PPEF1: variants seen among roughly 807,000 people sequenced by gnomAD.
The protein encoded by PPEF1 is serine/threonine-protein phosphatase with EF-hands 1.
Under a neutral mutation model 53.3 loss-of-function variants are expected in PPEF1, and 12 were observed. That is an observed-to-expected ratio of 0.23 (90% CI 0.14 to 0.36). PPEF1 has a LOEUF of 0.36. Ranked by LOEUF, PPEF1 falls within the 10% of genes least tolerant of loss-of-function variation. The pLI, the probability that PPEF1 is intolerant of heterozygous loss-of-function variation, is 1.00. For missense variants in PPEF1, 334 were observed against 490.4 expected, an observed-to-expected ratio of 0.68 and a Z score of 3.01; for synonymous variants, 165 against 176.7, an observed-to-expected ratio of 0.93 and a Z score of 0.52.
intron 6 of PPEF1, among the ~76,000 whole-genome samples, chrX:18,769,633 C>T (rs923280401): frequency 2.7e-5 from 3 of 111,327 alleles, no homozygotes; most frequent in Admixed American, 1.9e-4. Context: ...TTCTCTCTTC[C>T]CCACCATCCT....
intron 7 of PPEF1, 118 bp from the exon 8 acceptor site, chrX:18,782,248 C>T (rs1261499209): frequency 1.7e-6 from 1 of 588,864 alleles, no homozygotes; most frequent in Admixed American, 3.6e-5. Context: ...TCCAACTGAA[C>T]TCTGGTTTCT....
intron 1 of PPEF1, among the ~76,000 whole-genome samples, chrX:18,722,067 A>G: frequency 8.9e-6 from 1 of 112,180 alleles, no homozygotes; most frequent in East Asian, 2.8e-4. Context: ...TTCACTGGGC[A>G]TGTGCTTTGA....
intron 14 of PPEF1, among the ~76,000 whole-genome samples, chrX:18,825,234 C>T (rs34419456): frequency 0.04 from 4,436 of 110,787 alleles, 222 homozygotes; most frequent in African/African-American, 0.14. Context: ...GAAGATGAGA[C>T]GTTAAGAGCA....
chrX:18,825,158 A>C (rs2047143052), intron 14 of PPEF1, among the ~76,000 whole-genome samples: 1 of 112,235 alleles, frequency 8.9e-6, no homozygotes, highest in Non-Finnish European at 1.9e-5. Context: ...ATTCATCAGC[A>C]GTTAAATATG....
chrX:18,697,113 C>G (rs1329913599), intron 4 of PPEF1, among the ~76,000 whole-genome samples: 2 of 112,259 alleles, frequency 1.8e-5, no homozygotes, highest in African/African-American at 3.2e-5. Flanking sequence ...CTCCATTCCC[C>G]TCTGTCTTTC....
intron 1 of PPEF1, among the ~76,000 whole-genome samples, chrX:18,717,483 C>T: frequency 9.1e-6 from 1 of 110,347 alleles, no homozygotes. Context: ...CTCTCTCCTC[C>T]CCTTCAAGCT....
intron 13 of PPEF1, among the ~76,000 whole-genome samples, chrX:18,819,494 C>T (rs984721080): frequency 2.7e-5 from 3 of 110,130 alleles, no homozygotes; most frequent in Non-Finnish European, 5.7e-5. Context: ...ACCAGCCTGG[C>T]CAACATGGTG....
chrX:18,675,897 C>T (rs2147212523), upstream of PPEF1: 1 of 102,190 alleles, frequency 9.8e-6, no homozygotes, highest in African/African-American at 3.6e-5. Context: ...GGATCTTCGT[C>T]ACCACCCTAG....
chrX:18,714,175 A>T (rs1406379689), intron 1 of PPEF1, among the ~76,000 whole-genome samples: 6 of 111,128 alleles, frequency 5.4e-5, no homozygotes, highest in Non-Finnish European at 1.1e-4. Flanking sequence ...GTTTTATCTA[A>T]TCCTTGTAAT....
intron 12 of PPEF1, among the ~76,000 whole-genome samples, chrX:18,808,247 G>A (rs974368913): frequency 9.1e-5 from 10 of 110,030 alleles, no homozygotes; most frequent in Non-Finnish European, 1.3e-4. Context: ...TTACAGTAGT[G>A]AGCCACCACG....
intron 3 of PPEF1, among the ~76,000 whole-genome samples, chrX:18,689,638 G>T (rs766774995): frequency 9.1e-6 from 1 of 110,143 alleles, no homozygotes; most frequent in South Asian, 4.0e-4. Flanking sequence ...ATCAGATTGG[G>T]ATTCAGCAGT....
chrX:18,827,603 T>C lies in PPEF1; in HGVS notation c.*116T>C. ...AGTAGCAGAGAAAAGCAGATCCCAA[T>C]TCATCCCACAAACAGATGCATAGTA... On this transcript the variant is annotated 3_prime_UTR_variant, in exon 16 of 16. Transcript: ENST00000470157. 3.4e-6 allele frequency: 2 copies of C among 585,964 alleles called. No homozygotes were observed. Among genetic ancestry groups the C allele is most frequent in the Admixed American group, 3.4e-5 (1 of 29,324 alleles). 48.3% of individuals were successfully genotyped at this position (585,964 alleles called of 1,213,427 possible). A position where few individuals can be genotyped will look rare whatever the true frequency, so the allele number is the denominator to read the frequency against.
At chrX:18,766,453 C>T (rs773525097) in intron 6 of PPEF1, among the ~76,000 whole-genome samples, 16 of 111,855 alleles carry the variant, frequency 1.4e-4, no homozygotes, top group African/African-American at 5.2e-4. Context: ...AGTGATACCC[C>T]ACCTATCCCA....
chrX:18,762,437 G>T (rs1390360567), intron 6 of PPEF1, among the ~76,000 whole-genome samples: 1 of 111,794 alleles, frequency 8.9e-6, no homozygotes, highest in East Asian at 2.8e-4. Flanking sequence ...TACCAGAAAG[G>T]GGTCCCGATC....
intron 12 of PPEF1, among the ~76,000 whole-genome samples, chrX:18,816,230 C>T (rs1186803988): frequency 9.0e-6 from 1 of 111,428 alleles, no homozygotes; most frequent in Non-Finnish European, 1.9e-5. Flanking sequence ...TTTCTGACTT[C>T]TCCTGTGATT....
At chrX:18,756,466 C>T (rs1269938867) in intron 4 of PPEF1, among the ~76,000 whole-genome samples, 1 of 111,835 alleles carries the variant, frequency 8.9e-6, no homozygotes, top group African/African-American at 3.2e-5. Flanking sequence ...AGGTGTGAGC[C>T]ACTGTGCCCG....
At chrX:18,711,892 T>C (rs907265977) in intron 1 of PPEF1, among the ~76,000 whole-genome samples, 2 of 110,065 alleles carry the variant, frequency 1.8e-5, no homozygotes, top group Non-Finnish European at 3.8e-5. Flanking sequence ...GTAGCTGGGA[T>C]TACAGGCACA....
At chrX:18,749,984 G>A (rs916388380) in intron 4 of PPEF1, 32 bp downstream of exon 4, 1 of 1,127,862 alleles carries the variant, frequency 8.9e-7, no homozygotes, top group Non-Finnish European at 1.2e-6. Flanking sequence ...CTTGATTCTT[G>A]TACATAACAG....
chrX:18,818,267 G>A, intron 13 of PPEF1, 122 bp downstream of exon 13: 3 of 385,824 alleles, frequency 7.8e-6, no homozygotes, highest in South Asian at 9.5e-5. Flanking sequence ...GAAGAATAGA[G>A]ATAAAAATAA....
Sources: gnomAD v4.1 joint callset for allele counts (sites outside exome capture counted in the v4.1 genomes callset) on GRCh38, gnomAD v4.1.1 for gene constraint, MANE v1.5 for transcripts, NCBI Gene and HGNC (gene_info 2026-07-23, HGNC 2026-07-21) for gene names.